L3MBTL4: variants seen among roughly 807,000 people sequenced by gnomAD.
L3MBTL4 encodes L3MBTL histone methyl-lysine binding protein 4.
A neutral mutation model predicts 84.5 loss-of-function variants in L3MBTL4; 70 were observed. The observed-to-expected ratio is 0.83, with a 90% confidence interval of 0.68 to 1.01. The LOEUF (loss-of-function observed/expected upper bound fraction) is 1.01, where lower values mean the gene tolerates loss of function less well. Among genes scored for constraint, L3MBTL4 ranks in the 50% least tolerant of loss-of-function variants. The probability of loss-of-function intolerance (pLI) is 0.00; values close to 1 mark genes in which losing one functional copy is unlikely to be tolerated. For synonymous variants in L3MBTL4, 274 were observed against 259.8 expected, an observed-to-expected ratio of 1.05 and a Z score of -0.52; for missense variants, 715 against 754.8, an observed-to-expected ratio of 0.95 and a Z score of 0.62.
At chr18:6,392,504 G>A (rs980873522) in intron 1 of L3MBTL4, among the ~76,000 whole-genome samples, 1 of 152,146 alleles carries the variant, frequency 6.6e-6, no homozygotes, top group Admixed American at 6.5e-5. Flanking sequence ...AGCCAAGATC[G>A]TGCCACTGCA....
chr18:6,300,316 T>C (rs571854478), intron 4 of L3MBTL4, among the ~76,000 whole-genome samples: 1 of 152,310 alleles, frequency 6.6e-6, no homozygotes, highest in East Asian at 1.9e-4. Context: ...ATCTCAACCT[T>C]TTCCTAAACA....
At chr18:6,025,521 C>T (rs1373942898) in intron 16 of L3MBTL4, among the ~76,000 whole-genome samples, 1 of 152,212 alleles carries the variant, frequency 6.6e-6, no homozygotes, top group African/African-American at 2.4e-5. Context: ...AAAACATTCA[C>T]TCTGTTTAAC....
intron 3 of L3MBTL4, 82 bp downstream of exon 3, chr18:6,311,472 G>T: frequency 8.6e-7 from 1 of 1,159,864 alleles, no homozygotes; most frequent in Non-Finnish European, 1.3e-6. Flanking sequence ...CCTGAGTGTG[G>T]TTATGTGAAC....
chr18:6,264,653 G>A (rs1051477066), intron 4 of L3MBTL4, among the ~76,000 whole-genome samples: 2 of 152,084 alleles, frequency 1.3e-5, no homozygotes, highest in Non-Finnish European at 2.9e-5. Context: ...GCATCGTGGC[G>A]GGTGCCTGTA....
intron 1 of L3MBTL4, among the ~76,000 whole-genome samples, chr18:6,338,762 A>C (rs1408021928): frequency 6.6e-6 from 1 of 152,112 alleles, no homozygotes; most frequent in Non-Finnish European, 1.5e-5. Flanking sequence ...AATGCTTTAA[A>C]TATAAAGACA....
At chr18:6,009,120 A>G (rs1002675549) in intron 16 of L3MBTL4, among the ~76,000 whole-genome samples, 1 of 152,190 alleles carries the variant, frequency 6.6e-6, no homozygotes, top group Non-Finnish European at 1.5e-5. Context: ...AGGGGTGGCA[A>G]GAAAGGTGAG....
At position 6,253,269 on chromosome 18, in the gene L3MBTL4, G is replaced by GAACT. The variant is rs148500150; in HGVS notation, c.220-8685_220-8682dup. On this transcript the variant is annotated intron_variant, in intron 5 of 18. Coordinates refer to ENST00000317931, the MANE Select transcript of L3MBTL4 (RefSeq NM_001330559.2). ...TGACAATCCCCATTTCACACATGAA[G>GAACT]AACTAAGGCTCACAGTTGTTCACAA... Among the ~76,000 whole-genome samples, 1,272 of 152,316 alleles carry GAACT rather than the reference G, an allele frequency of 8.4e-3. 20 individuals carry two copies. Among genetic ancestry groups the GAACT allele is most frequent in the African/African-American group, 0.03 (1,230 of 41,578 alleles).
intron 16 of L3MBTL4, among the ~76,000 whole-genome samples, chr18:6,070,553 C>T (rs1359865636): frequency 7.6e-6 from 1 of 132,008 alleles, no homozygotes; most frequent in Non-Finnish European, 1.6e-5. Context: ...CGCAGTGGCT[C>T]ATGTGTGTAA....
chr18:6,266,313 T>C (rs994614124), intron 4 of L3MBTL4, among the ~76,000 whole-genome samples: 1 of 152,226 alleles, frequency 6.6e-6, no homozygotes, highest in Non-Finnish European at 1.5e-5. Context: ...TAAATATTCT[T>C]TCTTTATTTA....
At chr18:6,248,964 A>G (rs1445161547) in intron 5 of L3MBTL4, among the ~76,000 whole-genome samples, 1 of 152,202 alleles carries the variant, frequency 6.6e-6, no homozygotes, top group South Asian at 2.1e-4. Flanking sequence ...CTAAGGAAAA[A>G]CTTAAAAGAT....
chr18:6,302,078 C>A, intron 3 of L3MBTL4, 121 bp from the exon 4 acceptor site: 1 of 840,300 alleles, frequency 1.2e-6, no homozygotes, highest in Non-Finnish European at 2.1e-6. Context: ...AGGCGGACAA[C>A]GCACACAATA....
At chr18:6,250,692 T>C (rs562749341) in intron 5 of L3MBTL4, among the ~76,000 whole-genome samples, 49 of 152,304 alleles carry the variant, frequency 3.2e-4, no homozygotes, top group Non-Finnish European at 5.9e-4. Flanking sequence ...CATTTTAACA[T>C]GTTATACAAA....
At chr18:6,030,931 A>G (rs1028708104) in intron 16 of L3MBTL4, 66 of 985,014 alleles carry the variant, frequency 6.7e-5, no homozygotes, top group Non-Finnish European at 7.7e-5. Context: ...AAATACAATA[A>G]GTTTATTGTT....
At chr18:6,063,126 G>A (rs534761665) in intron 16 of L3MBTL4, among the ~76,000 whole-genome samples, 1 of 151,708 alleles carries the variant, frequency 6.6e-6, no homozygotes, top group Non-Finnish European at 1.5e-5. Context: ...TAGAATAATG[G>A]CCTCCAGCTC....
At chr18:6,364,694 T>G (rs2053854833) in intron 1 of L3MBTL4, among the ~76,000 whole-genome samples, 1 of 152,164 alleles carries the variant, frequency 6.6e-6, no homozygotes, top group African/African-American at 2.4e-5. Context: ...CAAAATGATA[T>G]ATTTTGTGGC....
chr18:6,166,125 CT>C (rs1167839373), intron 13 of L3MBTL4, among the ~76,000 whole-genome samples: 1 of 151,258 alleles, frequency 6.6e-6, no homozygotes, highest in African/African-American at 2.4e-5. Flanking sequence ...ACAAGAAGAG[CT>C]AACTATCCTA....
chr18:6,069,508 G>C (rs2057509983), intron 16 of L3MBTL4, among the ~76,000 whole-genome samples: 1 of 152,048 alleles, frequency 6.6e-6, no homozygotes, highest in Non-Finnish European at 1.5e-5. Flanking sequence ...TAAGCTACCA[G>C]GGTGGGTGAA....
intron 5 of L3MBTL4, among the ~76,000 whole-genome samples, chr18:6,255,926 C>A (rs991591823): frequency 2.0e-5 from 3 of 152,146 alleles, no homozygotes; most frequent in Admixed American, 6.5e-5. Flanking sequence ...AAAAGCCAGA[C>A]ATGGTCATCA....
In L3MBTL4 at chr18:5,956,097, C is replaced by CT; in HGVS notation, c.*122dup. ...TAAACATGTAAACAAATCACAGACA[C>CT]TTTAAAAAGTCCAGATTCAGTGTGG... On this transcript the variant is annotated 3_prime_UTR_variant, in exon 19 of 19. Transcript: ENST00000317931. 2.4e-6 allele frequency: 2 copies of CT among 844,860 alleles called. No individual in the cohort carries two copies. Among genetic ancestry groups the CT allele is most frequent in the Non-Finnish European group, 3.8e-6 (2 of 529,528 alleles). The allele number at this position is 844,860 out of a possible 1,614,324, so 52.3% of individuals were successfully genotyped here.
Sources: gnomAD v4.1 joint callset for allele counts (sites outside exome capture counted in the v4.1 genomes callset) on GRCh38, gnomAD v4.1.1 for gene constraint, MANE v1.5 for transcripts, NCBI Gene and HGNC (gene_info 2026-07-23, HGNC 2026-07-21) for gene names.